THSD4: variants seen among roughly 807,000 people sequenced by gnomAD.
The protein encoded by THSD4 is thrombospondin type-1 domain-containing protein 4.
THSD4 carries 69 observed loss-of-function variants against 119.0 expected under a neutral mutation model. The ratio of observed to expected loss-of-function variants is 0.58; its 90% CI spans 0.48 to 0.71. THSD4 has a LOEUF of 0.71. Ranked by LOEUF, THSD4 falls within the 30% of genes least tolerant of loss-of-function variation. THSD4 has a pLI of 0.00. For synonymous variants in THSD4, 524 were observed against 540.4 expected (o/e 0.97, Z 0.42); for missense variants, 1,393 against 1,391.1 (o/e 1.00, Z -0.02).
intron 4 of THSD4, among the ~76,000 whole-genome samples, chr15:71,224,653 T>C (rs1327166628): frequency 6.6e-6 from 1 of 152,210 alleles, no homozygotes; most frequent in African/African-American, 2.4e-5. Context: ...AAGCTGCTAG[T>C]AGGATTGCAC....
chr15:71,295,180 T>G (rs1438624528), intron 6 of THSD4, among the ~76,000 whole-genome samples: 2 of 152,198 alleles, frequency 1.3e-5, no homozygotes, highest in Non-Finnish European at 2.9e-5. Flanking sequence ...AATATCTTCC[T>G]TACTGGTCCT....
At chr15:71,693,838 T>A (rs1344611602) in intron 8 of THSD4, among the ~76,000 whole-genome samples, 1 of 152,090 alleles carries the variant, frequency 6.6e-6, no homozygotes, top group African/African-American at 2.4e-5. Context: ...ATCCCTTTGC[T>A]CTTCCTTCAT....
At chr15:71,551,117 AAGAATGAGGTAGCTCT>A (rs373772708) in intron 7 of THSD4, among the ~76,000 whole-genome samples, 4 of 152,364 alleles carry the variant, frequency 2.6e-5, no homozygotes, top group African/African-American at 7.2e-5. Flanking sequence ...TTTATTCAGA[AAGAATGAGGTAGCTCT>A]AGATGTGTAA....
Position 71,155,563 on chromosome 15 carries a change from A to C in THSD4, c.99+631A>C, listed in dbSNP as rs2040768526. On this transcript the variant is annotated intron_variant, in intron 3 of 17. Transcript: ENST00000261862. Reference sequence around the variant, plus strand: ...GCCAGCTTTGCAACATGTGTTTGCTAGAATGGACAGTTGAGAGGTCAGTGA... The same window carrying C: ...GCCAGCTTTGCAACATGTGTTTGCTCGAATGGACAGTTGAGAGGTCAGTGA... Among the ~76,000 whole-genome samples the C allele has an allele frequency of 2.0e-5, 3 of 152,298 alleles. 1 individual carries two copies. In the South Asian group the frequency reaches 6.2e-4, roughly 32 times the overall value.
intron 6 of THSD4, among the ~76,000 whole-genome samples, chr15:71,379,631 T>C (rs1209089603): frequency 1.3e-5 from 2 of 151,658 alleles, no homozygotes; most frequent in East Asian, 3.9e-4. Flanking sequence ...GCTAATTTTT[T>C]GTATTTTTAG....
At chr15:71,246,886 CTT>C (rs67700872) in intron 5 of THSD4, among the ~76,000 whole-genome samples, 64 of 114,448 alleles carry the variant, frequency 5.6e-4, no homozygotes, top group African/African-American at 8.5e-4. Flanking sequence ...GGTCCAAAGT[CTT>C]TTTTTTTTTT....
chr15:71,105,788 A>C (rs2040272168), intron 1 of THSD4, among the ~76,000 whole-genome samples: 1 of 152,236 alleles, frequency 6.6e-6, no homozygotes, highest in Admixed American at 6.5e-5. Flanking sequence ...ACAAATTCAC[A>C]CCAAGATTGA....
intron 7 of THSD4, among the ~76,000 whole-genome samples, chr15:71,479,165 CT>C (rs2047690677): frequency 8.9e-6 from 1 of 112,478 alleles, no homozygotes; most frequent in Non-Finnish European, 1.8e-5. Flanking sequence ...CTTTTCTTTA[CT>C]TTCTTTCTTC....
intron 1 of THSD4, among the ~76,000 whole-genome samples, chr15:71,101,719 A>C (rs1027762382): frequency 1.4e-4 from 21 of 144,950 alleles, no homozygotes; most frequent in South Asian, 1.1e-3. Context: ...TTTCTTTTTT[A>C]TTTTTTTTTT....
At chr15:71,311,985 G>A (rs1034397330) in intron 6 of THSD4, among the ~76,000 whole-genome samples, 35 of 152,264 alleles carry the variant, frequency 2.3e-4, no homozygotes, top group African/African-American at 7.5e-4. Flanking sequence ...GCTCCACACA[G>A]CACTGAAGGC....
chr15:71,745,043 C>G (rs2053307801), intron 11 of THSD4, 63 bp from the exon 12 acceptor site: 10 of 1,558,380 alleles, frequency 6.4e-6, no homozygotes, highest in African/African-American at 1.4e-5. Context: ...CTGTGCATCT[C>G]CACCCATAGC....
In THSD4 at chr15:71,321,894, ACTTT is replaced by A. The variant is rs368836976; in HGVS notation, c.1015+65183_1015+65186del. On this transcript the variant is annotated intron_variant, in intron 6 of 17. Coordinates refer to ENST00000261862, the MANE Select transcript of THSD4 (RefSeq NM_024817.3). ...CAATTCAATATGGGCAAAAAATTTT[ACTTT>A]CTTAAGACCCTGAAAAGCAGCAAAA... is the stretch of plus-strand genomic sequence containing the variant. 2.4e-3 allele frequency among the ~76,000 whole-genome samples: 368 copies of A among 152,280 alleles called. 2 individuals are homozygous for A. Among genetic ancestry groups the A allele is most frequent in the African/African-American group, 8.2e-3 (343 of 41,580 alleles).
chr15:71,126,835 T>C (rs2040460273), intron 1 of THSD4, among the ~76,000 whole-genome samples: 1 of 152,240 alleles, frequency 6.6e-6, no homozygotes, highest in Non-Finnish European at 1.5e-5. Flanking sequence ...AACTGCATTA[T>C]ATTATGGGGC....
rs114994976 is a variant in THSD4 at position 71,511,836 on chromosome 15, C to T, written c.1152+100013C>T. On this transcript the variant is annotated intron_variant, in intron 7 of 17. Transcript: ENST00000261862. ...ACCTCTCAGGGCTTAGCTTTAGCAT[C>T]GATAAGAAAAGCTTGGTATTTAATA... Among the ~76,000 whole-genome samples, 1,276 of 152,188 alleles carry T rather than the reference C, an allele frequency of 8.4e-3. 22 individuals carry two copies. Among genetic ancestry groups the T allele is most frequent in the African/African-American group, 0.029 (1,208 of 41,520 alleles).
chr15:71,428,217 A>C (rs538364513), intron 7 of THSD4, among the ~76,000 whole-genome samples: 1 of 152,200 alleles, frequency 6.6e-6, no homozygotes, highest in Non-Finnish European at 1.5e-5. Flanking sequence ...AGAGCTATGC[A>C]ATACTCATTG....
chr15:71,783,372 G>A lies in THSD4; in HGVS notation c.*5998G>A, dbSNP rs1411573876. On this transcript the variant is annotated 3_prime_UTR_variant, in exon 18 of 18. Coordinates refer to ENST00000261862, the MANE Select transcript of THSD4 (RefSeq NM_024817.3). The stretch of plus-strand genomic sequence containing the variant: ...AAAAAGAAGAGTCAGACAATAAACT[G>A]GTTGAAATATCTGCTTTGTTGACAA... 6.6e-6 allele frequency: 1 copy of A among 152,178 alleles called. No individual in the cohort carries two copies. Among genetic ancestry groups the A allele is most frequent in the Non-Finnish European group, 1.5e-5 (1 of 68,038 alleles). 9.4% of individuals were successfully genotyped at this position (152,178 alleles called of 1,614,324 possible). A position where few individuals can be genotyped will look rare whatever the true frequency, so the allele number is the denominator to read the frequency against.
At chr15:71,242,572 C>T in intron 4 of THSD4, 77 bp from the exon 5 acceptor site, 4 of 1,487,012 alleles carry the variant, frequency 2.7e-6, no homozygotes, top group South Asian at 2.5e-5. Context: ...GTCCTCTCTA[C>T]CACGGACCAG....
At chr15:71,634,038 T>A (rs896789675) in intron 7 of THSD4, among the ~76,000 whole-genome samples, 2 of 151,954 alleles carry the variant, frequency 1.3e-5, no homozygotes, top group African/African-American at 4.8e-5. Flanking sequence ...AATACAAAAA[T>A]TAGCAGGGCA....
At chr15:71,583,104 T>C (rs1408007411) in intron 7 of THSD4, among the ~76,000 whole-genome samples, 1 of 152,172 alleles carries the variant, frequency 6.6e-6, no homozygotes, top group Admixed American at 6.5e-5. Flanking sequence ...TCTTTACTTA[T>C]CATTGGTCTG....
Sources: allele counts gnomAD v4.1 joint callset (sites outside exome capture counted in the v4.1 genomes callset), GRCh38; gene constraint gnomAD v4.1.1; transcripts MANE v1.5; gene names NCBI Gene and HGNC (gene_info 2026-07-23, HGNC 2026-07-21).